The following DLG5 variants were observed in gnomAD, a reference collection of about 807,000 sequenced individuals.
DLG5 encodes discs large MAGUK scaffold protein 5.
DLG5 carries 48 observed loss-of-function variants against 189.8 expected under a neutral mutation model. The observed-to-expected ratio is 0.25, with a 90% CI of 0.20 to 0.32. DLG5 has a LOEUF of 0.32. Among genes scored for constraint, DLG5 ranks in the 10% least tolerant of loss-of-function variants. The pLI is 1.00. For synonymous variants in DLG5, 1,016 were observed against 1,054.1 expected (o/e 0.96, Z 0.70); for missense variants, 2,160 against 2,544.7 (o/e 0.85, Z 3.25).
At chr10:77,868,337 T>C (rs1844770332) in intron 2 of DLG5, 2 of 356,732 alleles carry the variant, frequency 5.6e-6, no homozygotes, top group Non-Finnish European at 1.1e-5. Context: ...TCTGCCTAAT[T>C]CGCCACTACG....
chr10:77,841,520 T>C (rs1256821130), intron 7 of DLG5, among the ~76,000 whole-genome samples: 1 of 152,222 alleles, frequency 6.6e-6, no homozygotes, highest in Non-Finnish European at 1.5e-5. Context: ...CTTTGGGAAC[T>C]TGGCCTTGGT....
At position 77,807,868 on chromosome 10, in the gene DLG5, C is replaced by T. The variant is rs746965935; in HGVS notation, c.4724G>A (p.Arg1575His). The stretch of plus-strand genomic sequence containing the variant: ...CTCAGGGCGGTACTGCACCTTCAGG[C>T]GGACGCCATCCCTGGGCTTCAGCAT... Reference protein sequence around the residue: ...VEMLKPRDGVRLKVQYRPEEF... With the variant: ...VEMLKPRDGVHLKVQYRPEEF... Residue 1575 changes from arginine (R) to histidine (H), a missense_variant, in exon 25 of 32, where the codon CGC becomes CAC. Transcript: ENST00000372391. 58 of 1,614,074 alleles carry T rather than the reference C, an allele frequency of 3.6e-5. No individual in the cohort carries two copies. In the South Asian group the frequency reaches 6.3e-4, roughly 17 times the overall value.
At chr10:77,836,732 G>A (rs1372778346) in intron 7 of DLG5, among the ~76,000 whole-genome samples, 1 of 152,118 alleles carries the variant, frequency 6.6e-6, no homozygotes, top group Non-Finnish European at 1.5e-5. Context: ...AAAATAATTT[G>A]CACAAAAAGG....
At chr10:77,833,251 C>T (rs1192045853) in intron 9 of DLG5, among the ~76,000 whole-genome samples, 1 of 152,128 alleles carries the variant, frequency 6.6e-6, no homozygotes, top group Non-Finnish European at 1.5e-5. Context: ...CTGCTGTAAT[C>T]GAGGGGAGGA....
At chr10:77,887,889 C>T (rs990214861) in intron 1 of DLG5, among the ~76,000 whole-genome samples, 27 of 152,336 alleles carry the variant, frequency 1.8e-4, no homozygotes, top group Admixed American at 5.9e-4. Context: ...CAGCAGCAGC[C>T]GTGCCTACAG....
At chr10:77,793,224 C>G (rs1016303840) in intron 31 of DLG5, 1 of 152,596 alleles carries the variant, frequency 6.6e-6, no homozygotes, top group Non-Finnish European at 1.5e-5. Context: ...GTGTATTTGG[C>G]TAAATACCAG....
chr10:77,839,425 C>T (rs1010762715), intron 7 of DLG5, among the ~76,000 whole-genome samples: 3 of 152,058 alleles, frequency 2.0e-5, no homozygotes, highest in East Asian at 1.9e-4. Flanking sequence ...CGCTGGAACC[C>T]GGCAGGTGGA....
At chr10:77,827,590 C>A (rs758337177) in intron 13 of DLG5, among the ~76,000 whole-genome samples, 2 of 152,192 alleles carry the variant, frequency 1.3e-5, no homozygotes, top group African/African-American at 4.8e-5. Context: ...AGCAATCTCA[C>A]GGCATTTGTA....
At position 77,856,751 on chromosome 10, in the gene DLG5, T is replaced by A; in HGVS notation, c.515A>T (p.His172Leu). The change falls in exon 3 of 32, where the codon CAT (histidine) becomes CTT (leucine). Residue 172 changes from histidine (H) to leucine (L), a missense_variant. His to Leu is a moderately conservative substitution (Grantham distance 99). Coordinates refer to ENST00000372391, the MANE Select transcript of DLG5 (RefSeq NM_004747.4). ...CTACCTCTTGTCAAAGGCCGTGCCA[T>A]GCGTAGCAAAGGCCAGGCGCTTGCG... ...ELRKRLAFATHGTAFDKRPYH... is the reference protein window; with the variant it reads ...ELRKRLAFATLGTAFDKRPYH... 6.2e-7 allele frequency: 1 copy of A among 1,613,472 alleles called. No individual in the cohort carries two copies. The highest frequency in any genetic ancestry group is 1.3e-5 in the African/African-American group (1 of 75,020).
chr10:77,829,674 C>G, intron 11 of DLG5, 144 bp from the exon 12 acceptor site: 1 of 1,037,680 alleles, frequency 9.6e-7, no homozygotes, highest in Non-Finnish European at 1.4e-6. Context: ...CAGGAGTGCA[C>G]AGTGGTGAAA....
intron 13 of DLG5, among the ~76,000 whole-genome samples, chr10:77,828,159 C>T (rs1415668777): frequency 6.6e-6 from 1 of 151,926 alleles, no homozygotes; most frequent in African/African-American, 2.4e-5. Flanking sequence ...GATAAACATT[C>T]ATGAGAATGT....
intron 1 of DLG5, among the ~76,000 whole-genome samples, chr10:77,894,652 T>C (rs1189326662): frequency 2.0e-5 from 3 of 151,340 alleles, no homozygotes; most frequent in African/African-American, 7.3e-5. Context: ...TGCTGGTCTA[T>C]TTTAGGATCT....
In DLG5 at chr10:77,791,776, G is replaced by C. The variant is rs1840652941; in HGVS notation, c.*664C>G. On this transcript the variant is annotated 3_prime_UTR_variant, in exon 32 of 32. Coordinates refer to ENST00000372391, the MANE Select transcript of DLG5 (RefSeq NM_004747.4). ...GTGGAAGGCAGGAGAGAAAGGCCGA[G>C]AGACGAGTTTGTAAGAATGCCAAAG... 2 of 153,100 alleles carry C rather than the reference G, an allele frequency of 1.3e-5. 1 individual carries two copies. The highest frequency in any genetic ancestry group is 4.8e-5 in the African/African-American group (2 of 41,468). The allele number at this position is 153,100 out of a possible 1,614,324, so 9.5% of individuals were successfully genotyped here.
chr10:77,792,884 T>C (rs569663835), intron 31 of DLG5: 27 of 309,766 alleles, frequency 8.7e-5, no homozygotes, highest in African/African-American at 5.6e-4. Context: ...AAACGACAAG[T>C]TTAAGGAGCC....
At chr10:77,868,011 AC>A in intron 2 of DLG5, 1 of 456,732 alleles carries the variant, frequency 2.2e-6, no homozygotes, top group Non-Finnish European at 4.4e-6. Flanking sequence ...ACCAAGGAGC[AC>A]CAAGGATTAC....
chr10:77,876,036 C>T (rs980362331), intron 1 of DLG5, among the ~76,000 whole-genome samples: 2 of 152,052 alleles, frequency 1.3e-5, no homozygotes, highest in Middle Eastern at 3.2e-3. Context: ...CCTGCTGATG[C>T]GCCTTATATG....
chr10:77,876,167 C>T (rs570254959), intron 1 of DLG5, among the ~76,000 whole-genome samples: 1 of 150,480 alleles, frequency 6.6e-6, no homozygotes, highest in Non-Finnish European at 1.5e-5. Flanking sequence ...AGCATCACTG[C>T]GCTAAAAAAA....
chr10:77,802,404 T>C (rs1841252891), intron 27 of DLG5, among the ~76,000 whole-genome samples: 1 of 152,156 alleles, frequency 6.6e-6, no homozygotes, highest in South Asian at 2.1e-4. Context: ...ACAGGATGTG[T>C]CACCAAAAAA....
At chr10:77,916,812 C>T (rs1846371055) in intron 1 of DLG5, among the ~76,000 whole-genome samples, 1 of 151,294 alleles carries the variant, frequency 6.6e-6, no homozygotes. Context: ...TTTGTACACC[C>T]ATGGTGTCAT....
Sources: gnomAD v4.1 joint callset for allele counts (sites outside exome capture counted in the v4.1 genomes callset) on GRCh38, gnomAD v4.1.1 for gene constraint, MANE v1.5 for transcripts, NCBI Gene and HGNC (gene_info 2026-07-23, HGNC 2026-07-21) for gene names.